Variants in KIAA1671 observed in about 807,000 individuals in gnomAD.
KIAA1671 encodes the protein KIAA1671, also known as uncharacterized protein KIAA1671.
In KIAA1671, 52 loss-of-function variants were observed where a neutral mutation model predicts 131.2. The ratio of observed to expected loss-of-function variants is 0.40; its 90% CI spans 0.32 to 0.50. The LOEUF (loss-of-function observed/expected upper bound fraction) is 0.50, where lower values mean the gene tolerates loss of function less well. Among genes scored for constraint, KIAA1671 ranks in the 20% least tolerant of loss-of-function variants. The probability of loss-of-function intolerance (pLI) is 0.73; values close to 1 mark genes in which losing one functional copy is unlikely to be tolerated. For synonymous variants in KIAA1671, 1,003 were observed against 961.6 expected (o/e 1.04, Z -0.80); for missense variants, 2,360 against 2,364.2 (o/e 1.00, Z 0.04).
intron 6 of KIAA1671, among the ~76,000 whole-genome samples, chr22:25,131,159 C>T (rs1030327613): frequency 1.3e-5 from 2 of 152,158 alleles, no homozygotes; most frequent in African/African-American, 4.8e-5. Context: ...CTTAGCATTT[C>T]GTATGGTGAT....
At chr22:25,019,752 C>A (rs1242276754) in intron 1 of KIAA1671, among the ~76,000 whole-genome samples, 1 of 151,918 alleles carries the variant, frequency 6.6e-6, no homozygotes. Context: ...CCTGTGCATA[C>A]CCCCTTACCT....
At chr22:25,142,244 C>T (rs549272949) in intron 6 of KIAA1671, among the ~76,000 whole-genome samples, 30 of 152,310 alleles carry the variant, frequency 2.0e-4, no homozygotes, top group Middle Eastern at 6.8e-3. Flanking sequence ...CTGGTTGATA[C>T]TCTTAATTCG....
At chr22:24,965,411 G>T (rs1456013863) in intron 1 of KIAA1671, among the ~76,000 whole-genome samples, 2 of 148,246 alleles carry the variant, frequency 1.3e-5, no homozygotes, top group African/African-American at 5.0e-5. Flanking sequence ...ATGAAACTCC[G>T]TTTAAAAAAA....
chr22:25,107,450 T>C (rs1301820243), intron 6 of KIAA1671, among the ~76,000 whole-genome samples: 3 of 137,906 alleles, frequency 2.2e-5, no homozygotes, highest in Non-Finnish European at 3.1e-5. Context: ...TATAAAAATG[T>C]AGCCATCCAT....
rs925625916 is a variant in KIAA1671, at chr22:25,194,480, A to G, written c.*2079A>G. On this transcript the variant is annotated 3_prime_UTR_variant, in exon 13 of 13. Transcript: ENST00000358431. Reference sequence around the variant, plus strand: ...TTGGTACCATCTCAAGCAGTAGGAAAGGACCTGCTCTTACATATATTGATG... The same window carrying G: ...TTGGTACCATCTCAAGCAGTAGGAAGGGACCTGCTCTTACATATATTGATG... 2.6e-5 allele frequency: 4 copies of G among 152,220 alleles called. No individual in the cohort carries two copies. The highest frequency in any genetic ancestry group is 9.6e-5 in the African/African-American group (4 of 41,460). 9.4% of individuals were successfully genotyped at this position (152,220 alleles called of 1,614,324 possible).
chr22:25,123,866 C>T lies in KIAA1671; in HGVS notation c.4531-46954C>T, dbSNP rs181291247. On this transcript the variant is annotated intron_variant, in intron 6 of 12. Transcript: ENST00000358431. ...CACTGAGTTGTGGGGCTATTTGTTACGCAGCCAGAGATAACTAGTACACAT... is the reference window on the plus strand; with the variant it reads ...CACTGAGTTGTGGGGCTATTTGTTATGCAGCCAGAGATAACTAGTACACAT... Among the ~76,000 whole-genome samples the T allele has an allele frequency of 1.8e-4, 27 of 152,308 alleles. No homozygotes were observed. In the East Asian group the frequency reaches 2.9e-3, roughly 16 times the overall value.
At chr22:25,099,537 GTTTT>G (rs1223034273) in intron 6 of KIAA1671, among the ~76,000 whole-genome samples, 2 of 112,112 alleles carry the variant, frequency 1.8e-5, no homozygotes, top group East Asian at 3.1e-4. Flanking sequence ...CAAAATGTGG[GTTTT>G]TTTGTTTTTT....
At chr22:25,145,029 G>T (rs571123617) in intron 6 of KIAA1671, among the ~76,000 whole-genome samples, 9 of 152,284 alleles carry the variant, frequency 5.9e-5, no homozygotes, top group South Asian at 4.1e-4. Flanking sequence ...TAATTCCCCT[G>T]GACCATGCAC....
intron 6 of KIAA1671, chr22:25,059,481 C>CAAAAAA (rs5844619): frequency 1.0e-5 from 1 of 99,124 alleles, no homozygotes; most frequent in African/African-American, 4.1e-5. Context: ...GACTCCATCT[C>CAAAAAA]AAAAAAAAAA....
intron 6 of KIAA1671, among the ~76,000 whole-genome samples, chr22:25,089,702 T>C (rs575426959): frequency 6.6e-6 from 1 of 152,370 alleles, no homozygotes; most frequent in South Asian, 2.1e-4. Context: ...TCTTTGTTAA[T>C]GGCTTTATAT....
chr22:25,088,471 G>A (rs1344807807), intron 6 of KIAA1671, among the ~76,000 whole-genome samples: 1 of 152,106 alleles, frequency 6.6e-6, no homozygotes, highest in East Asian at 1.9e-4. Context: ...CTGCAGAAGG[G>A]TACAGAGGTG....
intron 6 of KIAA1671, among the ~76,000 whole-genome samples, chr22:25,160,839 G>C (rs796963192): frequency 1.3e-5 from 2 of 152,342 alleles, no homozygotes; most frequent in South Asian, 4.1e-4. Flanking sequence ...ACATAGAGCT[G>C]GGGATGGGGC....
intron 6 of KIAA1671, among the ~76,000 whole-genome samples, chr22:25,080,395 T>C (rs1023221987): frequency 6.6e-6 from 1 of 152,122 alleles, no homozygotes; most frequent in Non-Finnish European, 1.5e-5. Context: ...TGGAAAATCC[T>C]CACCATTTCT....
At chr22:25,112,035 A>G in intron 6 of KIAA1671, 1 of 396,016 alleles carries the variant, frequency 2.5e-6, no homozygotes, top group Non-Finnish European at 4.4e-6. Flanking sequence ...GCCTGAAGAA[A>G]GCTGCTGTTT....
rs1045753594 is a variant in KIAA1671 at position 25,030,396 on chromosome 22, G to A, written c.1541+856G>A. On this transcript the variant is annotated intron_variant, in intron 3 of 12. Transcript: ENST00000358431. ...CTAAAAATACAAAAATTAGCCAGGC[G>A]TGGTGGCAGGCGCCTGTAGTCCCAG... 4.8e-4 allele frequency among the ~76,000 whole-genome samples: 73 copies of A among 152,006 alleles called. 2 individuals are homozygous for A. Among genetic ancestry groups the A allele is most frequent in the South Asian group, 2.1e-4 (1 of 4,818 alleles).
intron 6 of KIAA1671, among the ~76,000 whole-genome samples, chr22:25,138,913 C>G (rs930381859): frequency 4.6e-5 from 7 of 152,262 alleles, no homozygotes; most frequent in African/African-American, 1.7e-4. Flanking sequence ...TTCCAGAGAT[C>G]TCAGGAAGAT....
At chr22:24,969,730 T>A (rs1037697940) in intron 1 of KIAA1671, among the ~76,000 whole-genome samples, 2 of 152,208 alleles carry the variant, frequency 1.3e-5, no homozygotes, top group African/African-American at 4.8e-5. Context: ...ATGTAGAATG[T>A]GGGCTTTATA....
At chr22:24,970,403 G>A (rs1922535940) in intron 1 of KIAA1671, among the ~76,000 whole-genome samples, 1 of 152,222 alleles carries the variant, frequency 6.6e-6, no homozygotes, top group Non-Finnish European at 1.5e-5. Context: ...GGAGTTTGGG[G>A]TTGGAGACAT....
chr22:25,016,635 A>T (rs939053156), intron 1 of KIAA1671, among the ~76,000 whole-genome samples: 3 of 152,216 alleles, frequency 2.0e-5, no homozygotes, highest in Admixed American at 1.3e-4. Flanking sequence ...CAAAATATCC[A>T]GAAATGACAA....
Sources: gnomAD v4.1 joint callset for allele counts (sites outside exome capture counted in the v4.1 genomes callset) on GRCh38, gnomAD v4.1.1 for gene constraint, MANE v1.5 for transcripts, NCBI Gene and HGNC (gene_info 2026-07-23, HGNC 2026-07-21) for gene names.